The following USP16 variants were observed in gnomAD, a reference collection of about 807,000 sequenced individuals.
USP16 encodes the protein ubiquitin specific peptidase 16.
A neutral mutation model predicts 95.9 loss-of-function variants in USP16; 77 were observed. That is an observed-to-expected ratio of 0.80 (90% CI 0.67 to 0.97). The LOEUF is 0.97. Among genes scored for constraint, USP16 ranks in the 50% least tolerant of loss-of-function variants. The pLI is 0.00. For missense variants in USP16, 943 were observed against 959.9 expected (o/e 0.98, Z 0.23); for synonymous variants, 303 against 318.2 (o/e 0.95, Z 0.51).
At chr21:29,039,256 A>C in intron 8 of USP16, 100 bp downstream of exon 8, 1 of 1,191,112 alleles carries the variant, frequency 8.4e-7, no homozygotes, top group Non-Finnish European at 1.1e-6. Flanking sequence ...ATAGCATTAC[A>C]TTTAGTCAAC....
At chr21:29,049,620 C>G (rs2085383306) in intron 15 of USP16, among the ~76,000 whole-genome samples, 1 of 152,166 alleles carries the variant, frequency 6.6e-6, no homozygotes, top group African/African-American at 2.4e-5. Flanking sequence ...TGTGCAATGA[C>G]ACGATCATGG....
At position 29,035,442 on chromosome 21, in the gene USP16, C is replaced by T. The variant is rs556594194; in HGVS notation, c.344+502C>T. Among the ~76,000 whole-genome samples the T allele has an allele frequency of 6.0e-5, 9 of 149,352 alleles. No individual in the cohort carries two copies. In the South Asian group the frequency reaches 6.4e-4, roughly 11 times the overall value. On this transcript the variant is annotated intron_variant, in intron 4 of 17. Transcript: ENST00000399976. ...AGGCTGGAGTGCAGTGGTGTGATCT[C>T]GGCTCACCACAACCTCCGCCTCCCA...
At chr21:29,049,744 A>T (rs896103210) in intron 15 of USP16, among the ~76,000 whole-genome samples, 8 of 152,128 alleles carry the variant, frequency 5.3e-5, no homozygotes, top group Non-Finnish European at 1.0e-4. Flanking sequence ...ATTTTTTTGT[A>T]GAGACAGAGT....
intron 1 of USP16, 161 bp downstream of exon 1, chr21:29,024,938 T>TTC (rs1357154410): frequency 1.4e-6 from 1 of 730,286 alleles, no homozygotes; most frequent in African/African-American, 1.9e-5. Context: ...TGGCTGCATG[T>TTC]TCTGTCAGTT....
chr21:29,034,270 G>A (rs1006822763), intron 3 of USP16, among the ~76,000 whole-genome samples: 1 of 151,470 alleles, frequency 6.6e-6, no homozygotes, highest in Non-Finnish European at 1.5e-5. Flanking sequence ...CTGGAAAGTT[G>A]GACAAGAAGA....
rs746885365 is a variant in USP16, at chr21:29,038,379, G to A, written c.681G>A (p.Val227=). ...TPVLRELLKE[V]KMSGTIVKIE... ...TGCTTAGAGAACTACTAAAAGAAGT[G>A]AAAATGTCTGGAACAATTGTAAAAA... is the stretch of plus-strand genomic sequence containing the variant. Residue 227 remains valine, a synonymous_variant, in exon 7 of 18, where the codon GTG becomes GTA. Transcript: ENST00000399976. 1.2e-6 allele frequency: 2 copies of A among 1,612,924 alleles called. No individual in the cohort carries two copies. Among genetic ancestry groups the A allele is most frequent in the Non-Finnish European group, 1.7e-6 (2 of 1,179,272 alleles).
chr21:29,053,926 C>A lies in USP16; in HGVS notation c.2318C>A (p.Ser773Tyr). Reference sequence around the variant, plus strand: ...GCAAGAACCGCAAATAGTCATCTCTCTAATCTTGTTCTTCACGGTGATATT... The same window carrying A: ...GCAAGAACCGCAAATAGTCATCTCTATAATCTTGTTCTTCACGGTGATATT... ...AKARTANSHL[S>Y]NLVLHGDIPQ... is the part of the protein sequence containing the mutation. The change falls in exon 17 of 18, where the codon TCT (serine) becomes TAT (tyrosine). Residue 773 changes from serine (S) to tyrosine (Y), a missense_variant. Transcript: ENST00000399976. The A allele has an allele frequency of 1.2e-6, 2 of 1,614,228 alleles. No homozygotes were observed. Among genetic ancestry groups the A allele is most frequent in the Non-Finnish European group, 1.7e-6 (2 of 1,180,040 alleles).
Position 29,042,357 on chromosome 21 carries a change from C to G in USP16, c.1123-115C>G, listed in dbSNP as rs534185192. On this transcript the variant is annotated intron_variant, in intron 11 of 17. Transcript: ENST00000399976. ...ATTTTTCATTTCAAATTTTCTTAAG[C>G]CTTTGTTTATTTTAAAACCCATCCC... The G allele has an allele frequency of 1.0e-5, 11 of 1,086,928 alleles. No individual in the cohort carries two copies. The South Asian group carries it at 1.6e-4, about 16-fold the overall frequency. 67.3% of individuals were successfully genotyped at this position (1,086,928 alleles called of 1,614,324 possible). A position where few individuals can be genotyped will look rare whatever the true frequency, so the allele number is the denominator to read the frequency against.
chr21:29,048,904 A>G, intron 15 of USP16, 49 bp downstream of exon 15: 2 of 1,381,372 alleles, frequency 1.4e-6, no homozygotes, highest in Middle Eastern at 2.0e-4. Context: ...CACCTACTTT[A>G]TTACCTATTT....
intron 3 of USP16, among the ~76,000 whole-genome samples, chr21:29,032,348 C>T (rs546662051): frequency 6.6e-6 from 1 of 152,230 alleles, no homozygotes; most frequent in South Asian, 2.1e-4. Context: ...CCTCCCACCT[C>T]AGCCTCCTGA....
chr21:29,028,598 G>T (rs980842634), intron 2 of USP16, among the ~76,000 whole-genome samples: 3 of 151,544 alleles, frequency 2.0e-5, no homozygotes, highest in Non-Finnish European at 4.4e-5. Context: ...ACCACACCCA[G>T]CTAATTTTTG....
chr21:29,054,071 G>C lies in USP16; in HGVS notation c.2356G>C (p.Glu786Gln). 1 of 1,614,110 alleles carries C rather than the reference G, an allele frequency of 6.2e-7. No individual in the cohort carries two copies. Among genetic ancestry groups the C allele is most frequent in the Non-Finnish European group, 8.5e-7 (1 of 1,179,976 alleles). Residue 786 changes from glutamate to glutamine, a missense_variant, in exon 18 of 18, where the codon GAA becomes CAA. By Grantham distance (29) the Glu-to-Gln change is conservative. Coordinates refer to ENST00000399976, the MANE Select transcript of USP16 (RefSeq NM_006447.3). ...TTTTCATTTTCTCATGACAGATTTT[G>C]AAATGGAATCAAAAGGGCAGTGGTT... ...VLHGDIPQDFEMESKGQWFHI... is the reference protein window; with the variant it reads ...VLHGDIPQDFQMESKGQWFHI...
At chr21:29,050,242 C>G in intron 16 of USP16, 64 bp downstream of exon 16, 1 of 1,404,932 alleles carries the variant, frequency 7.1e-7, no homozygotes, top group South Asian at 1.2e-5. Context: ...ACCTAATGCT[C>G]CAGTAGCAAC....
intron 16 of USP16, chr21:29,052,225 C>T (rs1332650581): frequency 6.6e-6 from 1 of 152,128 alleles, no homozygotes; most frequent in Non-Finnish European, 1.5e-5. Flanking sequence ...TTTTGAATAG[C>T]AATGGTCTAG....
intron 16 of USP16, among the ~76,000 whole-genome samples, chr21:29,050,578 A>G (rs1243860284): frequency 6.6e-6 from 1 of 152,214 alleles, no homozygotes; most frequent in Non-Finnish European, 1.5e-5. Flanking sequence ...AACTATATTT[A>G]AAGAAGGAGT....
chr21:29,044,089 A>G (rs2085285852), intron 13 of USP16, among the ~76,000 whole-genome samples: 1 of 152,024 alleles, frequency 6.6e-6, no homozygotes, highest in Admixed American at 6.5e-5. Flanking sequence ...CATGCCACCA[A>G]GCCTAGCTAA....
chr21:29,034,904 ACTGT>A lies in USP16; in HGVS notation c.312_315del (p.Cys104TrpfsTer60). On this transcript the variant is annotated frameshift_variant, in exon 4 of 18. Coordinates refer to ENST00000399976, the MANE Select transcript of USP16 (RefSeq NM_006447.3). LOFTEE classifies it high-confidence loss of function. Reference sequence around the variant, plus strand: ...TATCTGACGCCAAGATCTGAACCTCACTGTCTGGTTCTTAGTTTGGACAACTGGA... The same window carrying A: ...TATCTGACGCCAAGATCTGAACCTCACTGGTTCTTAGTTTGGACAACTGGA... 6.2e-7 allele frequency: 1 copy of A among 1,614,148 alleles called. No individual in the cohort carries two copies.
At chr21:29,028,855 T>G (rs1002441331) in intron 2 of USP16, among the ~76,000 whole-genome samples, 5 of 152,272 alleles carry the variant, frequency 3.3e-5, no homozygotes, top group African/African-American at 1.2e-4. Flanking sequence ...CTTTTTAGTA[T>G]TATGAATGGC....
intron 14 of USP16, among the ~76,000 whole-genome samples, chr21:29,048,357 A>G (rs1004469985): frequency 6.6e-6 from 1 of 152,148 alleles, no homozygotes; most frequent in Non-Finnish European, 1.5e-5. Context: ...TCCTGGGATT[A>G]CAGCGTGAGC....
Sources: gnomAD v4.1 joint callset for allele counts (sites outside exome capture counted in the v4.1 genomes callset) on GRCh38, gnomAD v4.1.1 for gene constraint, MANE v1.5 for transcripts, NCBI Gene and HGNC (gene_info 2026-07-23, HGNC 2026-07-21) for gene names.